Variants in MUC6 observed in about 807,000 individuals in gnomAD.
MUC6 encodes mucin-6.
A neutral mutation model predicts 201.5 loss-of-function variants in MUC6; 188 were observed. The observed-to-expected ratio is 0.93, with a 90% confidence interval of 0.83 to 1.05. The LOEUF is 1.05. Among genes scored for constraint, MUC6 ranks in the 50% least tolerant of loss-of-function variants. The probability of loss-of-function intolerance (pLI) is 0.00; values close to 1 mark genes in which losing one functional copy is unlikely to be tolerated. For synonymous variants in MUC6, 1,228 were observed against 1,389.4 expected (o/e 0.88, Z 2.58); for missense variants, 2,706 against 3,256.9 (o/e 0.83, Z 4.12).
At position 1,015,868 on chromosome 11, in the gene MUC6, G is replaced by A; in HGVS notation, c.6933C>T (p.Thr2311=). The change falls in exon 31 of 33, where the codon ACC becomes ACT. Residue 2311 remains threonine, a synonymous_variant. Transcript: ENST00000421673. ...TNLTTRHPGP[T]LSPTTRFLTS... The stretch of plus-strand genomic sequence containing the variant: ...TCAGGAACCGTGTGGTAGGCGACAA[G>A]GTGGGACCAGGGTGCCTGGTGGTAA... The A allele has an allele frequency of 1.2e-6, 2 of 1,608,438 alleles. No individual in the cohort carries two copies. Among genetic ancestry groups the A allele is most frequent in the Non-Finnish European group, 1.7e-6 (2 of 1,176,850 alleles).
At position 1,033,328 on chromosome 11, in the gene MUC6, G is replaced by A. The variant is rs930292399; in HGVS notation, c.53-253C>T. ...TTGTCCACTCAGTCCCAGTTCAGCC[G>A]TCAGCCCCTCGGGGTTCGGCAGATG... On this transcript the variant is annotated intron_variant, in intron 1 of 32. Coordinates refer to ENST00000421673, the MANE Select transcript of MUC6 (RefSeq NM_005961.3). The surrounding 1 kb of genome is among the most constrained non-coding windows in gnomAD (Gnocchi z 5.6). The A allele has an allele frequency of 9.7e-5, 54 of 556,578 alleles. 1 individual carries two copies. Among genetic ancestry groups the A allele is most frequent in the South Asian group, 2.2e-4 (10 of 44,484 alleles). The allele number at this position is 556,578 out of a possible 1,614,324, so 34.5% of individuals were successfully genotyped here.
At position 1,016,426 on chromosome 11, in the gene MUC6, A is replaced by G. The variant is rs1172856924; in HGVS notation, c.6375T>C (p.Asn2125=). 1.2e-6 allele frequency: 2 copies of G among 1,613,868 alleles called. No homozygotes were observed. Among genetic ancestry groups the G allele is most frequent in the Non-Finnish European group, 1.7e-6 (2 of 1,179,874 alleles). The change falls in exon 31 of 33, where the codon AAT becomes AAC. Residue 2125 remains asparagine, a synonymous_variant. Transcript: ENST00000421673. ...TGGGAGAAAATGAGGAGGACAGCTG[A>G]TTAGTTGTGGAAACAGGAGTGGTTG... ...SSATTPVSTT[N]QLSSSFSPSP...
chr11:1,020,645 G>A (rs750719311), intron 28 of MUC6, 39 bp downstream of exon 28: 73 of 1,613,096 alleles, frequency 4.5e-5, no homozygotes, highest in Non-Finnish European at 6.0e-5. Flanking sequence ...CCCAGGAAAG[G>A]GCCTGCGTCA....
intron 10 of MUC6, 24 bp downstream of exon 10, chr11:1,029,204 C>A: frequency 6.2e-7 from 1 of 1,605,860 alleles, no homozygotes; most frequent in Non-Finnish European, 8.5e-7. Flanking sequence ...CGCCCCTCCC[C>A]ACGGGCCACA....
At chr11:1,029,759 C>T in intron 8 of MUC6, 144 bp from the exon 9 acceptor site, 2 of 1,208,584 alleles carry the variant, frequency 1.7e-6, no homozygotes, top group African/African-American at 1.5e-5. Flanking sequence ...CCCCTCCAGC[C>T]TGGCTCCAGG....
Position 1,033,248 on chromosome 11 carries a change from C to T in MUC6, c.53-173G>A. ...ACAGCAAGCCAAGCGCTTGGCCTCC[C>T]ATGCTGTCCTTCACGAGCCCCAGCT... On this transcript the variant is annotated intron_variant, in intron 1 of 32. Coordinates refer to ENST00000421673, the MANE Select transcript of MUC6 (RefSeq NM_005961.3). This position sits in a 1 kb window ranked among gnomAD's most constrained non-coding sequence, Gnocchi z 5.6. 1 of 620,384 alleles carries T rather than the reference C, an allele frequency of 1.6e-6. No homozygotes were observed. Among genetic ancestry groups the T allele is most frequent in the Non-Finnish European group, 2.9e-6 (1 of 342,142 alleles). The allele number at this position is 620,384 out of a possible 1,614,324, so 38.4% of individuals were successfully genotyped here. A position where few individuals can be genotyped will look rare whatever the true frequency, so the allele number is the denominator to read the frequency against.
Position 1,031,570 on chromosome 11 carries a change from C to T in MUC6, c.483+37G>A, listed in dbSNP as rs181411452. 3.1e-5 allele frequency: 47 copies of T among 1,538,820 alleles called. No individual in the cohort carries two copies. The African/African-American group carries it at 4.5e-4, about 15-fold the overall frequency. ...AAGTCCCACCTGCCCCCCCGTGCTGCGGGTCTCCAGGCCCACCCTGGCCCT... is the reference window on the plus strand; with the variant it reads ...AAGTCCCACCTGCCCCCCCGTGCTGTGGGTCTCCAGGCCCACCCTGGCCCT... On this transcript the variant is annotated intron_variant, in intron 4 of 32. Coordinates refer to ENST00000421673, the MANE Select transcript of MUC6 (RefSeq NM_005961.3).
Position 1,025,886 on chromosome 11 carries a change from G to A in MUC6, c.2718C>T (p.Pro906=), listed in dbSNP as rs1014852494. The A allele has an allele frequency of 2.5e-6, 4 of 1,612,464 alleles. No individual in the cohort carries two copies. The highest frequency in any genetic ancestry group is 1.7e-5 in the Admixed American group (1 of 59,942). ...CGTTCTCTGTCAGGATCTTGAAGGTGGGCTGTGAGTCGTTGACACCACAGA... is the reference window on the plus strand; with the variant it reads ...CGTTCTCTGTCAGGATCTTGAAGGTAGGCTGTGAGTCGTTGACACCACAGA... The part of the protein sequence containing the change: ...TDVCGVNDSQ[P]TFKILTENVI... The change falls in exon 22 of 33, where the codon CCC becomes CCT. Residue 906 remains proline, a synonymous_variant. Coordinates refer to ENST00000421673, the MANE Select transcript of MUC6 (RefSeq NM_005961.3).
At position 1,025,373 on chromosome 11, in the gene MUC6, G is replaced by C. The variant is rs1856931191; in HGVS notation, c.2800-6C>G. 2 of 1,606,300 alleles carry C rather than the reference G, an allele frequency of 1.2e-6. No individual in the cohort carries two copies. The highest frequency in any genetic ancestry group is 1.7e-6 in the Non-Finnish European group (2 of 1,175,866). ...GCCAGCACCACGGACAGGCCCTGTG[G>C]GGTGGGGTTGGCATAGGACTGCCTG... On this transcript the variant is annotated splice_polypyrimidine_tract_variant and splice_region_variant and intron_variant, in intron 22 of 32. Transcript: ENST00000421673.
rs1468399392 is a variant in MUC6 at position 1,028,801 on chromosome 11, C to T, written c.1454-18G>A. 6.2e-7 allele frequency: 1 copy of T among 1,609,560 alleles called. No homozygotes were observed. The highest frequency in any genetic ancestry group is 8.5e-7 in the Non-Finnish European group (1 of 1,179,714). On this transcript the variant is annotated intron_variant, in intron 12 of 32. Transcript: ENST00000421673. ...GATGTTGCCTGCAGGACGCAGTGCT[C>T]AGTGGGCCGTCTGGGCTCCCTCCCC...
At position 1,027,122 on chromosome 11, in the gene MUC6, C is replaced by T; in HGVS notation, c.2284+19G>A. The T allele has an allele frequency of 6.2e-7, 1 of 1,612,224 alleles. No homozygotes were observed. Among genetic ancestry groups the T allele is most frequent in the South Asian group, 1.1e-5 (1 of 91,058 alleles). ...GGCCCCTCACAGTCCCAGCCTGCGG[C>T]CAGCGCTGCTGTACGTACCCAGGAA... On this transcript the variant is annotated intron_variant, in intron 18 of 32. Coordinates refer to ENST00000421673, the MANE Select transcript of MUC6 (RefSeq NM_005961.3).
intron 26 of MUC6, 126 bp from the exon 27 acceptor site, chr11:1,021,403 C>T: frequency 1.9e-6 from 1 of 537,254 alleles, no homozygotes; most frequent in South Asian, 3.9e-5. Context: ...CAGAGTCTCG[C>T]TCTGTCGCCC....
In MUC6 at chr11:1,013,373, C is replaced by G. The variant is rs1856521433; in HGVS notation, c.*83G>C. 1 of 1,398,336 alleles carries G rather than the reference C, an allele frequency of 7.2e-7. No homozygotes were observed. The highest frequency in any genetic ancestry group is 9.6e-7 in the Non-Finnish European group (1 of 1,039,800). The allele number at this position is 1,398,336 out of a possible 1,614,324, so 86.6% of individuals were successfully genotyped here. On this transcript the variant is annotated 3_prime_UTR_variant, in exon 33 of 33. Transcript: ENST00000421673. ...TGGTGACCAGGAAAGCAGCTGCTGG[C>G]ACAAGCGGGAAGGGGGCTGGTGGGT...
chr11:1,013,929 C>A lies in MUC6; in HGVS notation c.7112G>T (p.Arg2371Leu). 3 of 1,607,442 alleles carry A rather than the reference C, an allele frequency of 1.9e-6. No individual in the cohort carries two copies. The highest frequency in any genetic ancestry group is 2.5e-6 in the Non-Finnish European group (3 of 1,177,678). The change falls in exon 32 of 33, where the codon CGC becomes CTC. Residue 2371 changes from arginine to leucine, a missense_variant. Arg to Leu is a moderately radical substitution (Grantham distance 102, BLOSUM62 -2). Around this residue, in one of 10 missense-constraint regions of MUC6, gnomAD observed 586 missense variants for 488.0 expected, o/e 1.20. Coordinates refer to ENST00000421673, the MANE Select transcript of MUC6 (RefSeq NM_005961.3). Reference protein sequence around the residue: ...KGCMANVTVTRCEGACISAAS... With the variant: ...KGCMANVTVTLCEGACISAAS... ...AGCGGAAATGCAGGCGCCCTCACAG[C>A]GGGTTACCGTCACGTTCGCCATGCA...
rs769192626 is a variant in MUC6, at chr11:1,027,760, G to C, written c.1906C>G (p.Leu636Val). 5 of 1,610,586 alleles carry C rather than the reference G, an allele frequency of 3.1e-6. No homozygotes were observed. The highest frequency in any genetic ancestry group is 3.4e-6 in the Non-Finnish European group (4 of 1,179,032). The part of the protein sequence containing the change: ...EETFPHICAA[L>V]GDYVHACSLR... ...GAGCAGGCGTGTACGTAGTCGCCCA[G>C]GGCGGCACAGATGTGGGGAAAGGTC... The change falls in exon 16 of 33, where the codon CTG (leucine) becomes GTG (valine). Residue 636 changes from leucine (L) to valine (V), a missense_variant. By Grantham distance (32) the Leu-to-Val change is conservative. Around this residue, in one of 10 missense-constraint regions of MUC6, gnomAD observed 1,850 missense variants for 1,958.3 expected, o/e 0.94. Coordinates refer to ENST00000421673, the MANE Select transcript of MUC6 (RefSeq NM_005961.3).
chr11:1,015,034 T>A (rs1219404033), intron 31 of MUC6, among the ~76,000 whole-genome samples: 3 of 151,720 alleles, frequency 2.0e-5, no homozygotes, highest in African/African-American at 2.4e-5. Flanking sequence ...CTGGTGGAGG[T>A]CGATGCATGC....
chr11:1,030,916 G>T, intron 6 of MUC6, 31 bp downstream of exon 6: 1 of 1,547,726 alleles, frequency 6.5e-7, no homozygotes, highest in Non-Finnish European at 8.7e-7. Flanking sequence ...TCAGACCTGG[G>T]GTCAGCCCCA....
chr11:1,013,891 G>A lies in MUC6; in HGVS notation c.7142+8C>T, dbSNP rs1170524180. ...GACGTGGGGCAGGCCTCCCACCTGT[G>A]GACTCACCTGGCAGCGGAAATGCAG... is the stretch of plus-strand genomic sequence containing the variant. On this transcript the variant is annotated splice_region_variant and intron_variant, in intron 32 of 32. Coordinates refer to ENST00000421673, the MANE Select transcript of MUC6 (RefSeq NM_005961.3). 3 of 1,599,438 alleles carry A rather than the reference G, an allele frequency of 1.9e-6. No individual in the cohort carries two copies. Among genetic ancestry groups the A allele is most frequent in the Admixed American group, 1.7e-5 (1 of 58,420 alleles).
chr11:1,032,983 C>A (rs767277580), intron 2 of MUC6, 30 bp downstream of exon 2: 2 of 1,559,114 alleles, frequency 1.3e-6, no homozygotes, highest in Non-Finnish European at 1.7e-6. Flanking sequence ...GTGGTCTGGG[C>A]GGCAGGATCA....
Sources: gnomAD v4.1 joint callset for allele counts (sites outside exome capture counted in the v4.1 genomes callset) on GRCh38, gnomAD v4.1.1 for gene constraint, gnomAD v4.1.1 regional missense constraint, Gnocchi (gnomAD v3.1) non-coding constraint, MANE v1.5 for transcripts, NCBI Gene and HGNC (gene_info 2026-07-23, HGNC 2026-07-21) for gene names.